DENND1A: variants seen among roughly 807,000 people sequenced by gnomAD.
DENND1A encodes the protein DENN domain containing 1A, also known as DENN domain-containing protein 1A.
In DENND1A, 51 loss-of-function variants were observed where a neutral mutation model predicts 113.7. That is an observed-to-expected ratio of 0.45 (90% CI 0.36 to 0.57). The LOEUF is 0.57. Among genes scored for constraint, DENND1A ranks in the 20% least tolerant of loss-of-function variants. The pLI is 0.00. For missense variants in DENND1A, 1,258 were observed against 1,395.9 expected (o/e 0.90, Z 1.57); for synonymous variants, 565 against 570.8 (o/e 0.99, Z 0.14).
intron 5 of DENND1A, among the ~76,000 whole-genome samples, chr9:123,682,739 C>T (rs1311381749): frequency 6.6e-6 from 1 of 152,126 alleles, no homozygotes; most frequent in African/African-American, 2.4e-5. Flanking sequence ...GTTTCCTCCT[C>T]TATGAAAAGA....
intron 21 of DENND1A, 103 bp from the exon 22 acceptor site, chr9:123,387,961 C>T: frequency 8.5e-7 from 1 of 1,182,316 alleles, no homozygotes; most frequent in Non-Finnish European, 1.1e-6. Context: ...ACGCCTGGCC[C>T]TGCCTCTGTG....
chr9:123,455,042 G>A (rs977025314), intron 15 of DENND1A, among the ~76,000 whole-genome samples: 1 of 151,966 alleles, frequency 6.6e-6, no homozygotes, highest in African/African-American at 2.4e-5. Flanking sequence ...GGCTGGTCTC[G>A]AACTCCTGAC....
At chr9:123,588,131 C>G (rs949171382) in intron 11 of DENND1A, among the ~76,000 whole-genome samples, 2 of 151,018 alleles carry the variant, frequency 1.3e-5, no homozygotes, top group African/African-American at 4.9e-5. Flanking sequence ...CAAAATTAGC[C>G]AGGCATGGTG....
chr9:123,486,910 G>A (rs1422337350), intron 13 of DENND1A, among the ~76,000 whole-genome samples: 4 of 152,158 alleles, frequency 2.6e-5, no homozygotes, highest in South Asian at 2.1e-4. Context: ...GTGGGCATGC[G>A]ACCCTGGGAG....
intron 10 of DENND1A, among the ~76,000 whole-genome samples, chr9:123,612,243 A>C (rs2060451325): frequency 6.6e-6 from 1 of 152,246 alleles, no homozygotes. Flanking sequence ...AAGAAAAAGA[A>C]ACCCAGAATT....
intron 19 of DENND1A, chr9:123,413,825 C>T: frequency 1.0e-6 from 1 of 985,176 alleles, no homozygotes; most frequent in African/African-American, 1.7e-5. Context: ...GAAAGGGGAA[C>T]AGCCCCCCCA....
In DENND1A at chr9:123,380,301, A is replaced by G. The variant is rs1469943770; in HGVS notation, c.*1131T>C. 1 of 152,572 alleles carries G rather than the reference A, an allele frequency of 6.6e-6. No homozygotes were observed. Among genetic ancestry groups the G allele is most frequent in the Non-Finnish European group, 1.5e-5 (1 of 68,048 alleles). The allele number at this position is 152,572 out of a possible 1,614,324, so 9.5% of individuals were successfully genotyped here. On this transcript the variant is annotated 3_prime_UTR_variant, in exon 24 of 24. Coordinates refer to ENST00000394215, the MANE Select transcript of DENND1A (RefSeq NM_001352964.2). The stretch of plus-strand genomic sequence containing the variant: ...CAAATCAATAAGGTAAAAAGGAAAA[A>G]GAAAGATAATAAACATTCAATCTAA...
intron 5 of DENND1A, among the ~76,000 whole-genome samples, chr9:123,702,651 T>C (rs1671294098): frequency 6.6e-6 from 1 of 152,146 alleles, no homozygotes; most frequent in South Asian, 2.1e-4. Context: ...AAGACTGCGA[T>C]GATATATTTA....
At chr9:123,527,896 A>C (rs757993838) in intron 13 of DENND1A, among the ~76,000 whole-genome samples, 2 of 152,192 alleles carry the variant, frequency 1.3e-5, no homozygotes, top group Non-Finnish European at 2.9e-5. Context: ...TCTGCGACTG[A>C]TTGTTTAATG....
intron 2 of DENND1A, among the ~76,000 whole-genome samples, chr9:123,844,495 G>A (rs1005630231): frequency 1.3e-5 from 2 of 151,760 alleles, no homozygotes; most frequent in African/African-American, 4.8e-5. Context: ...AGAAAAATAG[G>A]AATAAATTTA....
intron 3 of DENND1A, among the ~76,000 whole-genome samples, chr9:123,789,073 T>C (rs535839569): frequency 2.0e-5 from 3 of 151,898 alleles, no homozygotes; most frequent in African/African-American, 7.2e-5. Context: ...TTTTTTTTTT[T>C]TTCTTTTAAA....
chr9:123,390,296 T>C (rs1050187937), intron 21 of DENND1A, among the ~76,000 whole-genome samples: 1 of 152,204 alleles, frequency 6.6e-6, no homozygotes, highest in African/African-American at 2.4e-5. Context: ...CACTTTACCA[T>C]CTTCCTGGAG....
intron 2 of DENND1A, among the ~76,000 whole-genome samples, chr9:123,859,784 T>C (rs1377454250): frequency 6.6e-6 from 1 of 152,268 alleles, no homozygotes; most frequent in South Asian, 2.1e-4. Context: ...AATATGGAAA[T>C]TTTAAAAAAT....
intron 5 of DENND1A, among the ~76,000 whole-genome samples, chr9:123,722,582 G>A (rs140702982): frequency 6.6e-6 from 1 of 152,312 alleles, no homozygotes; most frequent in Non-Finnish European, 1.5e-5. Flanking sequence ...TGCAGTCTAG[G>A]GACTTGGTGA....
At chr9:123,727,149 A>G (rs2067768339) in intron 5 of DENND1A, among the ~76,000 whole-genome samples, 1 of 152,244 alleles carries the variant, frequency 6.6e-6, no homozygotes, top group African/African-American at 2.4e-5. Flanking sequence ...AAACATGAAC[A>G]GGAGATGGTA....
chr9:123,399,973 C>G (rs912476883), intron 21 of DENND1A: 2 of 152,286 alleles, frequency 1.3e-5, no homozygotes, highest in African/African-American at 4.8e-5. Flanking sequence ...CCACCGCGCC[C>G]CCTGCTGACT....
At chr9:123,412,769 C>T (rs933793581) in intron 19 of DENND1A, among the ~76,000 whole-genome samples, 3 of 152,332 alleles carry the variant, frequency 2.0e-5, no homozygotes, top group African/African-American at 4.8e-5. Flanking sequence ...AGACCCAGGC[C>T]GCGGACCCAC....
At chr9:123,707,050 T>C (rs971153752) in intron 5 of DENND1A, among the ~76,000 whole-genome samples, 6 of 152,108 alleles carry the variant, frequency 3.9e-5, no homozygotes, top group Non-Finnish European at 8.8e-5. Context: ...AAGGTGTTAA[T>C]AGACATGACA....
chr9:123,787,902 C>G (rs898288023), intron 3 of DENND1A, among the ~76,000 whole-genome samples: 1 of 152,042 alleles, frequency 6.6e-6, no homozygotes, highest in African/African-American at 2.4e-5. Context: ...TCTATAAACG[C>G]ATAAAGATTG....
Sources: gnomAD v4.1 joint callset for allele counts (sites outside exome capture counted in the v4.1 genomes callset) on GRCh38, gnomAD v4.1.1 for gene constraint, MANE v1.5 for transcripts, NCBI Gene and HGNC (gene_info 2026-07-23, HGNC 2026-07-21) for gene names.